Variants in TRIO observed in about 807,000 individuals in gnomAD.
TRIO encodes triple functional domain protein.
Under a neutral mutation model 351.9 loss-of-function variants are expected in TRIO, and 58 were observed. The ratio of observed to expected loss-of-function variants is 0.16; its 90% CI spans 0.13 to 0.21. TRIO has a LOEUF of 0.21. Among genes scored for constraint, TRIO ranks in the 10% least tolerant of loss-of-function variants. The probability of loss-of-function intolerance (pLI) is 1.00; values close to 1 mark genes in which losing one functional copy is unlikely to be tolerated. For missense variants in TRIO, 3,201 were observed against 4,027.8 expected (o/e 0.79, Z 5.56); for synonymous variants, 1,758 against 1,595.7 (o/e 1.10, Z -2.42).
At chr5:14,493,693 C>T (rs1211280764) in intron 49 of TRIO, among the ~76,000 whole-genome samples, 1 of 152,212 alleles carries the variant, frequency 6.6e-6, no homozygotes, top group Non-Finnish European at 1.5e-5. Flanking sequence ...ACATGTCTCT[C>T]ACTTTAAATC....
At chr5:14,461,608 G>GGT in intron 35 of TRIO, among the ~76,000 whole-genome samples, 1 of 152,330 alleles carries the variant, frequency 6.6e-6, no homozygotes, top group Middle Eastern at 3.4e-3. Context: ...GGGCCAGGAG[G>GGT]GAGACCAGAC....
At chr5:14,175,162 A>G (rs1165013164) in intron 1 of TRIO, among the ~76,000 whole-genome samples, 2 of 152,208 alleles carry the variant, frequency 1.3e-5, no homozygotes. Context: ...AGTTAGAAAT[A>G]TACTACTCCC....
intron 34 of TRIO, among the ~76,000 whole-genome samples, chr5:14,427,518 C>A (rs72730863): frequency 6.6e-6 from 1 of 152,150 alleles, no homozygotes; most frequent in Non-Finnish European, 1.5e-5. Context: ...CAACCAGTTA[C>A]CAGAAACGAC....
At chr5:14,475,247 T>G (rs1384588319) in intron 40 of TRIO, among the ~76,000 whole-genome samples, 1 of 152,220 alleles carries the variant, frequency 6.6e-6, no homozygotes, top group Non-Finnish European at 1.5e-5. Context: ...TCCGGTTACC[T>G]GGCCGGGCCT....
In TRIO at chr5:14,366,865, G is replaced by A. The variant is rs1372926473; in HGVS notation, c.2760G>A (p.Leu920=). 2 of 1,614,102 alleles carry A rather than the reference G, an allele frequency of 1.2e-6. No individual in the cohort carries two copies. The highest frequency in any genetic ancestry group is 3.3e-5 in the Admixed American group (2 of 60,008). ...RHLQAEVKQV[L]GWIRNGESML... is the part of the protein sequence containing the mutation. Reference sequence around the variant, plus strand: ...TATCCTGTGTAATGTTTCAGGTGCTGGGTTGGATCCGCAACGGAGAGTCCA... The same window carrying A: ...TATCCTGTGTAATGTTTCAGGTGCTAGGTTGGATCCGCAACGGAGAGTCCA... Residue 920 remains leucine (L), a synonymous_variant, in exon 16 of 57, where the codon CTG becomes CTA. Transcript: ENST00000344204.
chr5:14,423,717 C>T (rs1030632787), intron 34 of TRIO, among the ~76,000 whole-genome samples: 4 of 152,138 alleles, frequency 2.6e-5, no homozygotes, highest in Non-Finnish European at 1.5e-5. Flanking sequence ...GGATGCATTT[C>T]TGGAGTGCCT....
In TRIO at chr5:14,508,115, G is replaced by C; in HGVS notation, c.8987G>C (p.Ser2996Thr). The C allele has an allele frequency of 5.0e-6, 8 of 1,614,240 alleles. No homozygotes were observed. The highest frequency in any genetic ancestry group is 6.8e-6 in the Non-Finnish European group (8 of 1,180,050). ...GGCGTGTCCCCCTTCCTGGATGACA[G>C]TGTGGAAGAGACCTGCCTGAACATT... is the stretch of plus-strand genomic sequence containing the variant. ...LSGVSPFLDD[S>T]VEETCLNICR... The change falls in exon 57 of 57, where the codon AGT becomes ACT. Residue 2996 changes from serine (S) to threonine (T), a missense_variant. This residue lies in a region of TRIO where 233 missense variants were observed against 292.6 expected (regional missense o/e 0.80). Transcript: ENST00000344204.
intron 47 of TRIO, 105 bp from the exon 48 acceptor site, chr5:14,487,359 G>C (rs1443368457): frequency 9.4e-7 from 1 of 1,062,202 alleles, no homozygotes; most frequent in African/African-American, 1.7e-5. Context: ...CCCCTGCACG[G>C]GGTCTGCCCC....
At chr5:14,482,800 C>A (rs746026699) in intron 46 of TRIO, 27 bp downstream of exon 46, 1 of 1,510,346 alleles carries the variant, frequency 6.6e-7, no homozygotes, top group Non-Finnish European at 8.9e-7. Flanking sequence ...TGTGATTTCT[C>A]TGTGCCAGCG....
intron 7 of TRIO, among the ~76,000 whole-genome samples, chr5:14,301,709 C>G (rs1737901888): frequency 6.6e-6 from 1 of 152,160 alleles, no homozygotes; most frequent in Non-Finnish European, 1.5e-5. Flanking sequence ...CAAACTTGAC[C>G]TCAGGATGCT....
chr5:14,405,894 A>G lies in TRIO; in HGVS notation c.4763A>G (p.Glu1588Gly). 6.2e-7 allele frequency: 1 copy of G among 1,613,998 alleles called. No homozygotes were observed. Among genetic ancestry groups the G allele is most frequent in the Non-Finnish European group, 8.5e-7 (1 of 1,180,014 alleles). ...NKQDWIKHIR[E>G]VIQERTIHLK... ...CAGGACTGGATAAAGCATATCCGCG[A>G]AGTCATCCAGGAGCGGACGATCCAC... The change falls in exon 32 of 57, where the codon GAA (glutamate) becomes GGA (glycine). Residue 1588 changes from glutamate to glycine, a missense_variant. By Grantham distance (98) the Glu-to-Gly change is moderately conservative (BLOSUM62 -2). Coordinates refer to ENST00000344204, the MANE Select transcript of TRIO (RefSeq NM_007118.4).
At chr5:14,465,837 C>G in intron 37 of TRIO, 197 bp downstream of exon 37, 1 of 607,738 alleles carries the variant, frequency 1.6e-6, no homozygotes, top group Non-Finnish European at 3.0e-6. Context: ...CCATTATTCC[C>G]ACATTTGCAG....
At chr5:14,496,787 C>G (rs1229834810) in intron 49 of TRIO, 92 bp from the exon 50 acceptor site, 18 of 1,525,988 alleles carry the variant, frequency 1.2e-5, no homozygotes, top group Admixed American at 1.9e-5. Flanking sequence ...CACACACATA[C>G]GTTGAATATT....
At chr5:14,482,883 A>C (rs1362488937) in intron 46 of TRIO, 110 bp downstream of exon 46, 1 of 1,088,110 alleles carries the variant, frequency 9.2e-7, no homozygotes, top group East Asian at 2.8e-5. Context: ...TAAGTATTTG[A>C]GAATTTTCTA....
intron 48 of TRIO, chr5:14,488,749 C>A: frequency 3.4e-6 from 2 of 585,674 alleles, no homozygotes; most frequent in Non-Finnish European, 6.1e-6. Flanking sequence ...AAGAAAACTT[C>A]CAACAGCAAC....
At chr5:14,364,879 C>T in intron 15 of TRIO, 63 bp downstream of exon 15, 1 of 1,520,420 alleles carries the variant, frequency 6.6e-7, no homozygotes, top group South Asian at 1.3e-5. Flanking sequence ...TCATCGACTT[C>T]CCGGAAATTC....
At chr5:14,412,584 AC>A (rs965699503) in intron 33 of TRIO, among the ~76,000 whole-genome samples, 25 of 152,114 alleles carry the variant, frequency 1.6e-4, no homozygotes, top group African/African-American at 5.5e-4. Flanking sequence ...GGTGTCCTAC[AC>A]CCTTCCCTCT....
intron 34 of TRIO, among the ~76,000 whole-genome samples, chr5:14,421,697 G>A (rs1019335014): frequency 2.6e-5 from 4 of 152,008 alleles, no homozygotes; most frequent in African/African-American, 7.3e-5. Context: ...ACATGGAAAC[G>A]GAGGGCGTCT....
intron 13 of TRIO, among the ~76,000 whole-genome samples, chr5:14,362,694 G>A (rs147519233): frequency 6.6e-6 from 1 of 152,230 alleles, no homozygotes; most frequent in Non-Finnish European, 1.5e-5. Context: ...TTGCGAGGTG[G>A]TGCATCGTAG....
Sources: allele counts gnomAD v4.1 joint callset (sites outside exome capture counted in the v4.1 genomes callset), GRCh38; gene constraint gnomAD v4.1.1; regional missense constraint gnomAD v4.1.1; transcripts MANE v1.5; gene names NCBI Gene and HGNC (gene_info 2026-07-23, HGNC 2026-07-21).